EFNA5: variants seen among roughly 807,000 people sequenced by gnomAD.
EFNA5 encodes ephrin-A5.
In EFNA5, 5 loss-of-function variants were observed where a neutral mutation model predicts 22.9. The observed-to-expected ratio is 0.22, with a 90% CI of 0.11 to 0.46. The LOEUF (loss-of-function observed/expected upper bound fraction) is 0.46. Ranked by LOEUF, EFNA5 falls within the 20% of genes least tolerant of loss-of-function variation. The pLI, the probability that EFNA5 is intolerant of heterozygous loss-of-function variation, is 0.99. For missense variants in EFNA5, 237 were observed against 293.3 expected, an observed-to-expected ratio of 0.81 and a Z score of 1.40; for synonymous variants, 113 against 112.2, an observed-to-expected ratio of 1.01 and a Z score of -0.04.
At position 107,482,866 on chromosome 5, in the gene EFNA5, CTCTCTATATATATA is replaced by C. The variant is rs1413912437; in HGVS notation, c.126-55371_126-55358del. Among the ~76,000 whole-genome samples, 79 of 43,310 alleles carry C rather than the reference CTCTCTATATATATA, an allele frequency of 1.8e-3. 1 individual carries two copies. The East Asian group carries it at 0.047, about 26-fold the overall frequency. 28.4% of individuals were successfully genotyped at this position (43,310 alleles called of 152,430 possible). On this transcript the variant is annotated intron_variant, in intron 1 of 4. Transcript: ENST00000333274. The stretch of plus-strand genomic sequence containing the variant: ...TCTCTCTCTCTCTCTCTCTCTCTCT[CTCTCTATATATATA>C]TATATATATATATACATACATATAT...
At chr5:107,595,051 TAGA>T (rs776965648) in intron 1 of EFNA5, among the ~76,000 whole-genome samples, 5 of 152,052 alleles carry the variant, frequency 3.3e-5, no homozygotes, top group Admixed American at 2.6e-4. Context: ...AAAGAAAATA[TAGA>T]AGAAGGAGGA....
At chr5:107,498,363 A>G (rs780998029) in intron 1 of EFNA5, among the ~76,000 whole-genome samples, 34 of 152,358 alleles carry the variant, frequency 2.2e-4, no homozygotes, top group Admixed American at 5.9e-4. Flanking sequence ...GAAACACTAC[A>G]CAACTAACTC....
At chr5:107,405,907 CAT>C (rs1349883006) in intron 2 of EFNA5, among the ~76,000 whole-genome samples, 1 of 146,040 alleles carries the variant, frequency 6.8e-6, no homozygotes, top group Non-Finnish European at 1.5e-5. Flanking sequence ...TATTTATATA[CAT>C]AGAATGTATA....
At chr5:107,521,737 A>G (rs537277864) in intron 1 of EFNA5, among the ~76,000 whole-genome samples, 1 of 152,274 alleles carries the variant, frequency 6.6e-6, no homozygotes, top group South Asian at 2.1e-4. Context: ...TTCAAAGTAT[A>G]GTTTTGACTG....
intron 1 of EFNA5, 58 bp downstream of exon 1, chr5:107,670,430 TC>T (rs1751167968): frequency 6.6e-7 from 1 of 1,503,828 alleles, no homozygotes; most frequent in Non-Finnish European, 8.9e-7. Flanking sequence ...CCGCCGCCGC[TC>T]CTTCCGCAGG....
At chr5:107,423,773 C>A (rs1234547067) in intron 2 of EFNA5, among the ~76,000 whole-genome samples, 1 of 152,104 alleles carries the variant, frequency 6.6e-6, no homozygotes, top group Non-Finnish European at 1.5e-5. Context: ...CAGCAATAAT[C>A]AGCAATTATA....
intron 1 of EFNA5, among the ~76,000 whole-genome samples, chr5:107,606,978 T>C (rs1440442230): frequency 6.6e-6 from 1 of 152,214 alleles, no homozygotes; most frequent in Non-Finnish European, 1.5e-5. Context: ...GGGATTGATA[T>C]TTTCTTTGTT....
chr5:107,387,189 G>C (rs566618776), intron 4 of EFNA5, 46 bp downstream of exon 4: 1 of 1,350,338 alleles, frequency 7.4e-7, no homozygotes, highest in South Asian at 1.3e-5. Flanking sequence ...GGAAGCACCA[G>C]AGAAATAGAT....
chr5:107,591,506 T>C (rs1461686168), intron 1 of EFNA5, among the ~76,000 whole-genome samples: 12 of 151,936 alleles, frequency 7.9e-5, no homozygotes, highest in Non-Finnish European at 1.8e-4. Context: ...TGAAGGAATT[T>C]AACCCATGGT....
intron 2 of EFNA5, among the ~76,000 whole-genome samples, chr5:107,412,608 C>A (rs1002342113): frequency 1.3e-5 from 2 of 152,030 alleles, no homozygotes; most frequent in African/African-American, 4.8e-5. Flanking sequence ...GAAAAAAAAC[C>A]AGGTGCACAA....
chr5:107,546,777 C>A (rs946584052), intron 1 of EFNA5, among the ~76,000 whole-genome samples: 10 of 152,118 alleles, frequency 6.6e-5, no homozygotes, highest in African/African-American at 1.7e-4. Flanking sequence ...TCCTGTCAAC[C>A]AGCAGTTATT....
chr5:107,541,044 A>G (rs1214452671), intron 1 of EFNA5, among the ~76,000 whole-genome samples: 1 of 152,092 alleles, frequency 6.6e-6, no homozygotes, highest in Admixed American at 6.6e-5. Context: ...GAAGCAGAGG[A>G]TGCAGTGAGC....
At chr5:107,529,063 T>A (rs1012203806) in intron 1 of EFNA5, among the ~76,000 whole-genome samples, 7 of 152,162 alleles carry the variant, frequency 4.6e-5, no homozygotes, top group African/African-American at 7.2e-5. Context: ...TGTAAAAAAA[T>A]AACTGTTTAA....
rs540660230 is a variant in EFNA5 at position 107,396,226 on chromosome 5, G to A, written c.419-8455C>T. Reference sequence around the variant, plus strand: ...AGAAACATTACTTAGCGGTTTGAGTGTATGCATAATGATTCTCTTTCTCCC... The same window carrying A: ...AGAAACATTACTTAGCGGTTTGAGTATATGCATAATGATTCTCTTTCTCCC... On this transcript the variant is annotated intron_variant, in intron 2 of 4. Transcript: ENST00000333274. Among the ~76,000 whole-genome samples, 23 of 152,290 alleles carry A rather than the reference G, an allele frequency of 1.5e-4. No individual in the cohort carries two copies. In the South Asian group the frequency reaches 4.8e-3, roughly 32 times the overall value.
At chr5:107,486,288 C>A (rs913320777) in intron 1 of EFNA5, among the ~76,000 whole-genome samples, 2 of 152,162 alleles carry the variant, frequency 1.3e-5, no homozygotes, top group Non-Finnish European at 2.9e-5. Context: ...TTCACAGGCA[C>A]TTATTTAGCC....
chr5:107,410,881 TGTC>T (rs1389930740), intron 2 of EFNA5, among the ~76,000 whole-genome samples: 2 of 152,238 alleles, frequency 1.3e-5, no homozygotes, highest in Non-Finnish European at 2.9e-5. Flanking sequence ...GTCTATTGCA[TGTC>T]TTATATTCTG....
chr5:107,664,881 T>C (rs1036807293), intron 1 of EFNA5, among the ~76,000 whole-genome samples: 3 of 152,156 alleles, frequency 2.0e-5, no homozygotes, highest in Non-Finnish European at 4.4e-5. Flanking sequence ...CACAGAGTCG[T>C]TCATTATTTC....
chr5:107,527,420 C>T (rs1024407581), intron 1 of EFNA5, among the ~76,000 whole-genome samples: 4 of 151,590 alleles, frequency 2.6e-5, no homozygotes, highest in African/African-American at 9.7e-5. Context: ...CCGAGTAGCT[C>T]GGACTACAGG....
rs79194174 is a variant in EFNA5, at chr5:107,545,870, T to C, written c.126-118361A>G. Among the ~76,000 whole-genome samples the C allele has an allele frequency of 2.0e-5, 3 of 152,330 alleles. No homozygotes were observed. The East Asian group carries it at 5.8e-4, about 29-fold the overall frequency. On this transcript the variant is annotated intron_variant, in intron 1 of 4. Coordinates refer to ENST00000333274, the MANE Select transcript of EFNA5 (RefSeq NM_001962.3). The stretch of plus-strand genomic sequence containing the variant: ...CGAAACACTGTCTCTTGTGTCCTAA[T>C]GTCCTGTTGGAAGTGATTTCTATGA...
Sources: gnomAD v4.1 joint callset for allele counts (sites outside exome capture counted in the v4.1 genomes callset) on GRCh38, gnomAD v4.1.1 for gene constraint, MANE v1.5 for transcripts, NCBI Gene and HGNC (gene_info 2026-07-23, HGNC 2026-07-21) for gene names.